The following ITFG1 variants were observed in gnomAD, a reference collection of about 807,000 sequenced individuals.
ITFG1 encodes the protein T-cell immunomodulatory protein.
A neutral mutation model predicts 81.8 loss-of-function variants in ITFG1; 34 were observed. That is an observed-to-expected ratio of 0.42 (90% CI 0.32 to 0.55). The LOEUF (loss-of-function observed/expected upper bound fraction) is 0.55, where lower values mean the gene tolerates loss of function less well. Among genes scored for constraint, ITFG1 ranks in the 20% least tolerant of loss-of-function variants. The pLI, the probability that ITFG1 is intolerant of heterozygous loss-of-function variation, is 0.17. For missense variants in ITFG1, 672 were observed against 755.4 expected, an observed-to-expected ratio of 0.89 and a Z score of 1.29; for synonymous variants, 285 against 270.6, an observed-to-expected ratio of 1.05 and a Z score of -0.52.
intron 6 of ITFG1, among the ~76,000 whole-genome samples, chr16:47,413,896 C>G (rs1968841549): frequency 6.6e-6 from 1 of 152,124 alleles, no homozygotes; most frequent in African/African-American, 2.4e-5. Context: ...TCTTGGCTCA[C>G]TGCAACCTCT....
At chr16:47,428,500 AT>A (rs1969052072) in intron 6 of ITFG1, among the ~76,000 whole-genome samples, 1 of 151,852 alleles carries the variant, frequency 6.6e-6, no homozygotes, top group South Asian at 2.1e-4. Flanking sequence ...TATTTTAAAA[AT>A]TTTTAATAAA....
At chr16:47,403,892 A>G (rs2151600204) in intron 6 of ITFG1, among the ~76,000 whole-genome samples, 1 of 151,742 alleles carries the variant, frequency 6.6e-6, no homozygotes, top group African/African-American at 2.4e-5. Context: ...AGAACTGGTT[A>G]GGAACTGAGC....
Position 47,370,597 on chromosome 16 carries a change from C to T in ITFG1, c.721-4728G>A, listed in dbSNP as rs566847785. Among the ~76,000 whole-genome samples, 31 of 152,348 alleles carry T rather than the reference C, an allele frequency of 2.0e-4. 2 individuals are homozygous for T. The South Asian group carries it at 6.0e-3, about 29-fold the overall frequency. On this transcript the variant is annotated intron_variant, in intron 7 of 17. Transcript: ENST00000320640. ...TGCCACTATGCTCCCGTTGTCCAAA[C>T]GCTGGCGCCTAAGTCAGAAGCTGCT...
At chr16:47,307,324 T>G (rs1471404902) in intron 10 of ITFG1, among the ~76,000 whole-genome samples, 1 of 152,088 alleles carries the variant, frequency 6.6e-6, no homozygotes, top group Non-Finnish European at 1.5e-5. Flanking sequence ...GTGTAATATA[T>G]CTTTTAATAT....
chr16:47,186,280 C>T (rs1463134106), intron 14 of ITFG1, among the ~76,000 whole-genome samples: 15 of 152,090 alleles, frequency 9.9e-5, no homozygotes, highest in East Asian at 1.9e-4. Flanking sequence ...ATCATCCTGA[C>T]GCCAAAGCCG....
rs1203196574 is a variant in ITFG1, at chr16:47,377,028, AAG to A, written c.656-1090_656-1089del. Among the ~76,000 whole-genome samples, 8 of 151,978 alleles carry A rather than the reference AAG, an allele frequency of 5.3e-5. No homozygotes were observed. The East Asian group carries it at 1.4e-3, about 26-fold the overall frequency. ...TGTGAAGGCCATGACTACTGAAAAA[AAG>A]AGTTTTTTTTTCCCTTCCTACATTA... On this transcript the variant is annotated intron_variant, in intron 6 of 17. Coordinates refer to ENST00000320640, the MANE Select transcript of ITFG1 (RefSeq NM_030790.5).
intron 8 of ITFG1, among the ~76,000 whole-genome samples, chr16:47,343,249 C>T (rs1187764252): frequency 1.3e-5 from 2 of 152,110 alleles, no homozygotes; most frequent in Non-Finnish European, 1.5e-5. Context: ...ATAGTCTCCT[C>T]AACAGATGTT....
At chr16:47,411,676 G>C (rs886132542) in intron 6 of ITFG1, among the ~76,000 whole-genome samples, 1 of 152,108 alleles carries the variant, frequency 6.6e-6, no homozygotes, top group Non-Finnish European at 1.5e-5. Flanking sequence ...CAACCACTAA[G>C]GAAAGGGGAG....
intron 14 of ITFG1, among the ~76,000 whole-genome samples, chr16:47,189,857 A>G (rs1454008062): frequency 6.6e-6 from 1 of 152,250 alleles, no homozygotes; most frequent in African/African-American, 2.4e-5. Flanking sequence ...TTGCAAATGC[A>G]TGTGAAAAAT....
chr16:47,263,566 C>T, intron 10 of ITFG1: 1 of 234,532 alleles, frequency 4.3e-6, no homozygotes, highest in Non-Finnish European at 8.5e-6. Context: ...GGATACAGTG[C>T]TTCATCTTAT....
intron 12 of ITFG1, among the ~76,000 whole-genome samples, chr16:47,247,917 G>A (rs1026825699): frequency 4.3e-4 from 66 of 152,118 alleles, no homozygotes; most frequent in African/African-American, 1.5e-3. Flanking sequence ...CTGAATGAAC[G>A]AGGCTGGATC....
chr16:47,333,978 TG>T (rs1350109839), intron 8 of ITFG1, among the ~76,000 whole-genome samples: 2 of 152,240 alleles, frequency 1.3e-5, no homozygotes, highest in African/African-American at 4.8e-5. Flanking sequence ...CAATATCATC[TG>T]GCACACCATT....
At chr16:47,455,100 A>G (rs1178850895) in intron 2 of ITFG1, among the ~76,000 whole-genome samples, 1 of 152,196 alleles carries the variant, frequency 6.6e-6, no homozygotes, top group Non-Finnish European at 1.5e-5. Flanking sequence ...AAAGTCTACA[A>G]AAGGAACAAT....
intron 8 of ITFG1, among the ~76,000 whole-genome samples, chr16:47,356,290 A>T (rs1037303232): frequency 6.6e-6 from 1 of 152,368 alleles, no homozygotes; most frequent in African/African-American, 2.4e-5. Context: ...ACTATTTTTG[A>T]GCATTATGAA....
Position 47,400,230 on chromosome 16 carries a change from T to G in ITFG1, c.656-24290A>C, listed in dbSNP as rs953032810. Among the ~76,000 whole-genome samples the G allele has an allele frequency of 3.9e-5, 6 of 152,166 alleles. No individual in the cohort carries two copies. The South Asian group carries it at 1.2e-3, about 32-fold the overall frequency. Reference sequence around the variant, plus strand: ...TTTCCTTCCTTCACTCATTCAAATATGTACTACTAGAGACCAGGTGCAGTG... The same window carrying G: ...TTTCCTTCCTTCACTCATTCAAATAGGTACTACTAGAGACCAGGTGCAGTG... On this transcript the variant is annotated intron_variant, in intron 6 of 17. Transcript: ENST00000320640.
intron 14 of ITFG1, among the ~76,000 whole-genome samples, chr16:47,196,035 C>A (rs1160663576): frequency 2.6e-5 from 4 of 152,168 alleles, no homozygotes; most frequent in Non-Finnish European, 4.4e-5. Flanking sequence ...GGCATTACAA[C>A]ACTTTAAATA....
intron 14 of ITFG1, among the ~76,000 whole-genome samples, chr16:47,182,105 C>A (rs988331068): frequency 2.6e-5 from 4 of 151,902 alleles, no homozygotes; most frequent in Admixed American, 2.6e-4. Context: ...TGTTTATCTG[C>A]TGACCTTCCC....
rs1051627047 is a variant in ITFG1, at chr16:47,347,808, T to G, written c.802+17980A>C. ...GAGGCACCCCCAAGTAGGGGCAGAC[T>G]GACACCTCACATGGCCGGGTACCCC... On this transcript the variant is annotated intron_variant, in intron 8 of 17. Coordinates refer to ENST00000320640, the MANE Select transcript of ITFG1 (RefSeq NM_030790.5). Among the ~76,000 whole-genome samples, 6 of 152,232 alleles carry G rather than the reference T, an allele frequency of 3.9e-5. No homozygotes were observed. The East Asian group carries it at 1.2e-3, about 29-fold the overall frequency.
intron 10 of ITFG1, chr16:47,262,870 C>T (rs895927036): frequency 1.3e-5 from 2 of 153,292 alleles, no homozygotes; most frequent in African/African-American, 4.8e-5. Flanking sequence ...AATCAAAATG[C>T]TTCCTGGAAT....
Sources: gnomAD v4.1 joint callset for allele counts (sites outside exome capture counted in the v4.1 genomes callset) on GRCh38, gnomAD v4.1.1 for gene constraint, MANE v1.5 for transcripts, NCBI Gene and HGNC (gene_info 2026-07-23, HGNC 2026-07-21) for gene names.